Variants in PKHD1 observed in about 807,000 individuals in gnomAD.
PKHD1 encodes PKHD1 ciliary IPT domain containing fibrocystin/polyductin.
PKHD1 carries 291 observed loss-of-function variants against 412.0 expected under a neutral mutation model. That is an observed-to-expected ratio of 0.71 (90% CI 0.64 to 0.78). The LOEUF (loss-of-function observed/expected upper bound fraction) is 0.78. Ranked by LOEUF, PKHD1 falls within the 30% of genes least tolerant of loss-of-function variation. The pLI is 0.00. For synonymous variants in PKHD1, 1,777 were observed against 1,821.5 expected (o/e 0.98, Z 0.62); for missense variants, 4,825 against 4,950.7 (o/e 0.97, Z 0.76).
intron 35 of PKHD1, among the ~76,000 whole-genome samples, chr6:51,994,892 T>G (rs973234302): frequency 6.6e-6 from 1 of 152,060 alleles, no homozygotes. Context: ...CATGAGGTTT[T>G]CCCCAGACGT....
chr6:51,717,658 A>G (rs1346822454), intron 60 of PKHD1, among the ~76,000 whole-genome samples: 2 of 152,206 alleles, frequency 1.3e-5, no homozygotes, highest in Non-Finnish European at 2.9e-5. Flanking sequence ...AGTACACTGT[A>G]TGATGCTAAC....
intron 36 of PKHD1, among the ~76,000 whole-genome samples, chr6:51,941,061 C>G (rs538414673): frequency 1.3e-5 from 2 of 151,008 alleles, no homozygotes; most frequent in Non-Finnish European, 3.0e-5. Context: ...GTATCCCCCC[C>G]CACCTTAACC....
rs143737660 is a variant in PKHD1 at position 51,748,214 on chromosome 6, C to T, written c.9402G>A (p.Lys3134=). The change falls in exon 58 of 67, where the codon AAG becomes AAA. Residue 3134 remains lysine (K), a synonymous_variant. Transcript: ENST00000371117. The part of the protein sequence containing the change: ...HSSLHGLHLY[K]ESGLDNCTRI... ...TGGTACAGTTGTCAAGTCCACTTTC[C>T]TTATAGAGATGAAGGCCATGAAGAC... is the stretch of plus-strand genomic sequence containing the variant. 3.0e-4 allele frequency: 482 copies of T among 1,614,046 alleles called. 1 individual carries two copies. In the Middle Eastern group the frequency reaches 3.3e-3, roughly 11 times the overall value.
In PKHD1 at chr6:52,071,016, G is replaced by A. The variant is rs189345248; in HGVS notation, c.657C>T (p.Gly219=). Reference sequence around the variant, plus strand: ...ACTTCTCTAACAGACCGATGTAGTCGCCTTCCACATGGCACTGCAGAGTCC... The same window carrying A: ...ACTTCTCTAACAGACCGATGTAGTCACCTTCCACATGGCACTGCAGAGTCC... ...GLGTLQCHVE[G]DYIGSQNVSF... Residue 219 remains glycine, a synonymous_variant, in exon 9 of 67, where the codon GGC becomes GGT. Coordinates refer to ENST00000371117, the MANE Select transcript of PKHD1 (RefSeq NM_138694.4). The A allele has an allele frequency of 9.4e-6, 15 of 1,594,332 alleles. No individual in the cohort carries two copies. Among genetic ancestry groups the A allele is most frequent in the Admixed American group, 5.0e-5 (3 of 59,930 alleles).
rs1463261812 is a variant in PKHD1 at position 52,070,576 on chromosome 6, T to C, written c.668-131A>G. 24 of 662,694 alleles carry C rather than the reference T, an allele frequency of 3.6e-5. 1 individual carries two copies. The highest frequency in any genetic ancestry group is 2.1e-4 in the East Asian group (8 of 37,250). The allele number at this position is 662,694 out of a possible 1,614,324, so 41.1% of individuals were successfully genotyped here. On this transcript the variant is annotated intron_variant, in intron 9 of 66. Transcript: ENST00000371117. ...CCAAACCTGTAATTTCTTTAGTGGT[T>C]CCCCCCCGCAAAAACAAACAAACAA...
chr6:51,678,216 C>A (rs1381339975), intron 60 of PKHD1, among the ~76,000 whole-genome samples: 1 of 152,092 alleles, frequency 6.6e-6, no homozygotes. Context: ...AAAACACAGA[C>A]AAGTTACTTA....
At position 52,025,744 on chromosome 6, in the gene PKHD1, G is replaced by A. The variant is rs372739336; in HGVS notation, c.4066C>T (p.Leu1356Phe). The stretch of plus-strand genomic sequence containing the variant: ...TAGATGCCAGCCTCCAGACTGTGAA[G>A]AGGGATGGAGCATCCAGACAGGCTC... ...NVSLSGCSIP[L>F]HSLEAGIYPL... Residue 1356 changes from leucine to phenylalanine, a missense_variant, in exon 32 of 67, where the codon CTT becomes TTT. Physicochemically the swap from Leu to Phe is conservative, Grantham distance 22. Coordinates refer to ENST00000371117, the MANE Select transcript of PKHD1 (RefSeq NM_138694.4). The A allele has an allele frequency of 4.0e-5, 65 of 1,614,070 alleles. No homozygotes were observed. Among genetic ancestry groups the A allele is most frequent in the Middle Eastern group, 3.3e-4 (2 of 6,084 alleles).
chr6:51,648,293 A>G (rs1404292069), intron 62 of PKHD1, among the ~76,000 whole-genome samples, 175 bp from the exon 63 acceptor site: 1 of 152,228 alleles, frequency 6.6e-6, no homozygotes, highest in Non-Finnish European at 1.5e-5. Context: ...ATCAGAATTA[A>G]CTTATTGTAA....
rs867808876 is a variant in PKHD1, at chr6:51,718,729, G to A, written c.10156+25656C>T. On this transcript the variant is annotated intron_variant, in intron 60 of 66. Transcript: ENST00000371117. Reference sequence around the variant, plus strand: ...ATTTCCAGTTTCTTTCACATAAAATGGAATAACTATAAATGGAGATATAAT... The same window carrying A: ...ATTTCCAGTTTCTTTCACATAAAATAGAATAACTATAAATGGAGATATAAT... 6.6e-5 allele frequency among the ~76,000 whole-genome samples: 10 copies of A among 152,026 alleles called. No homozygotes were observed. In the South Asian group the frequency reaches 1.0e-3, roughly 16 times the overall value.
At chr6:52,028,077 C>T in intron 30 of PKHD1, 79 bp downstream of exon 30, 4 of 1,421,562 alleles carry the variant, frequency 2.8e-6, no homozygotes, top group Non-Finnish European at 4.0e-6. Flanking sequence ...AAAGAAAATA[C>T]CTAACTCAAA....
chr6:51,684,033 GAGA>G (rs1777081920), intron 60 of PKHD1, among the ~76,000 whole-genome samples: 2 of 152,070 alleles, frequency 1.3e-5, no homozygotes, highest in African/African-American at 4.8e-5. Flanking sequence ...CAAACCAAGA[GAGA>G]AGAAACATCA....
chr6:51,669,730 G>A (rs1345699071), intron 60 of PKHD1, among the ~76,000 whole-genome samples: 1 of 136,564 alleles, frequency 7.3e-6, no homozygotes, highest in African/African-American at 3.0e-5. Flanking sequence ...GAGTCCCAGA[G>A]ATTCTGGTAT....
chr6:51,696,430 G>GCAAAAATCTGTC (rs1778811473), intron 60 of PKHD1, among the ~76,000 whole-genome samples: 1 of 152,064 alleles, frequency 6.6e-6, no homozygotes, highest in East Asian at 1.9e-4. Context: ...ACCCAACTAA[G>GCAAAAATCTGTC]CAAAAATCTG....
Position 51,847,826 on chromosome 6 carries a change from G to A in PKHD1, c.8056C>T (p.Gln2686Ter), listed in dbSNP as rs1771481777. Residue 2686 changes from glutamine to a stop codon, truncating the protein, a stop_gained, in exon 50 of 67, where the codon CAA (glutamine) becomes TAA (stop). Coordinates refer to ENST00000371117, the MANE Select transcript of PKHD1 (RefSeq NM_138694.4). LOFTEE classifies it high-confidence loss of function. ...CTATTGAAGAACCAGTCACAGCCTT[G>A]GTTCTGACCTGGTGATGGAAGAAAT... The part of the protein sequence containing the change: ...FPFLPSPGQN[Q>*]GCDWFFNSQL... 1 of 1,614,030 alleles carries A rather than the reference G, an allele frequency of 6.2e-7. No homozygotes were observed. The highest frequency in any genetic ancestry group is 8.5e-7 in the Non-Finnish European group (1 of 1,179,902).
Position 52,055,840 on chromosome 6 carries a change from G to A in PKHD1, c.1694-111C>T, listed in dbSNP as rs536231694. On this transcript the variant is annotated intron_variant, in intron 18 of 66. Transcript: ENST00000371117. ...GAGTATCTCACTTAAGAAAACCCCC[G>A]TTCTAACCCAATTACCCATGCAACC... is the stretch of plus-strand genomic sequence containing the variant. The A allele has an allele frequency of 3.7e-5, 43 of 1,150,176 alleles. No homozygotes were observed. In the South Asian group the frequency reaches 4.8e-4, roughly 13 times the overall value. 71.2% of individuals were successfully genotyped at this position (1,150,176 alleles called of 1,614,324 possible).
intron 48 of PKHD1, among the ~76,000 whole-genome samples, chr6:51,860,750 T>C (rs561524019): frequency 1.1e-3 from 162 of 152,246 alleles, no homozygotes; most frequent in African/African-American, 3.8e-3. Flanking sequence ...AAGCCTTACA[T>C]GTTGTTTTTC....
intron 4 of PKHD1, among the ~76,000 whole-genome samples, chr6:52,081,446 T>A (rs1812012460): frequency 6.6e-6 from 1 of 152,194 alleles, no homozygotes; most frequent in Non-Finnish European, 1.5e-5. Context: ...CTCAAAGCAC[T>A]TAATTCTGTG....
intron 60 of PKHD1, among the ~76,000 whole-genome samples, chr6:51,726,897 T>C (rs754531211): frequency 6.6e-6 from 1 of 152,186 alleles, no homozygotes; most frequent in Non-Finnish European, 1.5e-5. Flanking sequence ...GAAGATATTA[T>C]TAAGTGTATA....
chr6:51,856,153 T>G, intron 48 of PKHD1, 83 bp from the exon 49 acceptor site: 1 of 853,166 alleles, frequency 1.2e-6, no homozygotes, highest in Non-Finnish European at 2.0e-6. Context: ...TTTCATCAAT[T>G]GCAATCATCT....
Sources: gnomAD v4.1 joint callset for allele counts (sites outside exome capture counted in the v4.1 genomes callset) on GRCh38, gnomAD v4.1.1 for gene constraint, MANE v1.5 for transcripts, NCBI Gene and HGNC (gene_info 2026-07-23, HGNC 2026-07-21) for gene names.